SVIL: variants seen among roughly 807,000 people sequenced by gnomAD.
The protein encoded by SVIL is archvillin.
SVIL carries 101 observed loss-of-function variants against 240.4 expected under a neutral mutation model. The observed-to-expected ratio is 0.42, with a 90% confidence interval of 0.36 to 0.50. The LOEUF is 0.50. Among genes scored for constraint, SVIL ranks in the 20% least tolerant of loss-of-function variants. SVIL has a pLI of 0.01. For synonymous variants in SVIL, 999 were observed against 1,100.0 expected (o/e 0.91, Z 1.82); for missense variants, 2,512 against 2,818.7 (o/e 0.89, Z 2.46).
At chr10:29,605,714 C>T (rs1444639895) in intron 1 of SVIL, among the ~76,000 whole-genome samples, 1 of 101,862 alleles carries the variant, frequency 9.8e-6, no homozygotes, top group Non-Finnish European at 2.1e-5. Context: ...AATATATATT[C>T]AAATATATAT....
intron 3 of SVIL, among the ~76,000 whole-genome samples, chr10:29,653,128 C>A (rs914785481): frequency 1.3e-5 from 2 of 152,018 alleles, no homozygotes; most frequent in Non-Finnish European, 2.9e-5. Context: ...CTGTGCCCAG[C>A]CTGATATGGT....
chr10:29,623,444 T>A (rs1957740453), intron 1 of SVIL, among the ~76,000 whole-genome samples: 1 of 152,188 alleles, frequency 6.6e-6, no homozygotes, highest in Non-Finnish European at 1.5e-5. Flanking sequence ...GCCCCATGGG[T>A]TGTTCTGATC....
Position 29,700,282 on chromosome 10 carries a change from C to T in SVIL, c.-399-13631G>A, listed in dbSNP as rs556493862. 2.6e-5 allele frequency among the ~76,000 whole-genome samples: 4 copies of T among 152,122 alleles called. No homozygotes were observed. The South Asian group carries it at 8.3e-4, about 32-fold the overall frequency. ...TTCACAGAGCAAGCCCTTTGATGAA[C>T]ATTTCCCTGCAAACACTCCAACCTA... On this transcript the variant is annotated intron_variant, in intron 1 of 35. Coordinates refer to the SVIL transcript ENST00000375400.
chr10:29,599,774 C>G (rs1956743032), intron 1 of SVIL, among the ~76,000 whole-genome samples: 1 of 152,036 alleles, frequency 6.6e-6, no homozygotes, highest in South Asian at 2.1e-4. Context: ...AATCAATTTC[C>G]CAACGGTCAG....
At chr10:29,555,549 T>G (rs900902772) in intron 3 of SVIL, among the ~76,000 whole-genome samples, 1 of 152,188 alleles carries the variant, frequency 6.6e-6, no homozygotes, top group African/African-American at 2.4e-5. Flanking sequence ...TTGTAACACC[T>G]AGCTATGTGA....
rs1467514452 is a variant in SVIL at position 29,499,430 on chromosome 10, C to T, written c.3517-167G>A. On this transcript the variant is annotated intron_variant, in intron 17 of 37. Coordinates refer to ENST00000355867, the MANE Select transcript of SVIL (RefSeq NM_021738.3). ...ATCTGAAATGGGCTTGGCTTCCTTA[C>T]GTCCAGGTTGGGTGGAGATCACCAT... 4.6e-5 allele frequency among the ~76,000 whole-genome samples: 7 copies of T among 152,200 alleles called. No individual in the cohort carries two copies. In the South Asian group the frequency reaches 6.2e-4, roughly 14 times the overall value.
At chr10:29,626,540 G>A (rs1824278942) in intron 1 of SVIL, among the ~76,000 whole-genome samples, 1 of 152,196 alleles carries the variant, frequency 6.6e-6, no homozygotes, top group Admixed American at 6.5e-5. Flanking sequence ...TGAACACGAA[G>A]ATTCTGACGG....
intron 1 of SVIL, among the ~76,000 whole-genome samples, chr10:29,577,579 G>C (rs1488584745): frequency 2.0e-5 from 3 of 151,998 alleles, no homozygotes; most frequent in Non-Finnish European, 4.4e-5. Flanking sequence ...TTATCCACTT[G>C]TTGGTCTGTG....
intron 18 of SVIL, among the ~76,000 whole-genome samples, chr10:29,498,801 C>A (rs184471102): frequency 6.6e-6 from 1 of 151,994 alleles, no homozygotes; most frequent in Non-Finnish European, 1.5e-5. Context: ...GGCAACACAG[C>A]GACACCCCAT....
chr10:29,519,795 C>T (rs1032654561), intron 16 of SVIL, among the ~76,000 whole-genome samples: 25 of 152,222 alleles, frequency 1.6e-4, no homozygotes, highest in Non-Finnish European at 2.5e-4. Flanking sequence ...TGATTCTGAA[C>T]AGACTGGGCT....
At chr10:29,667,350 A>G (rs748338254) in intron 2 of SVIL, among the ~76,000 whole-genome samples, 15 of 152,150 alleles carry the variant, frequency 9.9e-5, no homozygotes, top group Non-Finnish European at 8.8e-5. Context: ...AGCTTAAGAG[A>G]AGCCAGACTC....
intron 1 of SVIL, among the ~76,000 whole-genome samples, chr10:29,595,916 T>C (rs1956567522): frequency 6.6e-6 from 1 of 152,162 alleles, no homozygotes; most frequent in Non-Finnish European, 1.5e-5. Flanking sequence ...GGCCCCATCA[T>C]TCCCAGGACA....
chr10:29,724,179 C>CTT (rs1395970808), intron 1 of SVIL, among the ~76,000 whole-genome samples: 1 of 110,922 alleles, frequency 9.0e-6, no homozygotes. Flanking sequence ...TTTGTTTTCT[C>CTT]TCTTTTTTTT....
Position 29,529,860 on chromosome 10 carries a change from T to C in SVIL, c.2107-16A>G. 1 of 1,599,186 alleles carries C rather than the reference T, an allele frequency of 6.3e-7. No individual in the cohort carries two copies. The highest frequency in any genetic ancestry group is 8.5e-7 in the Non-Finnish European group (1 of 1,173,758). On this transcript the variant is annotated splice_polypyrimidine_tract_variant and intron_variant, in intron 11 of 37. Transcript: ENST00000355867. Reference sequence around the variant, plus strand: ...TTTCCATCTCCTAAGATTAGAAGTATTGTGGAACCCTTATAAATTCAAGGA... The same window carrying C: ...TTTCCATCTCCTAAGATTAGAAGTACTGTGGAACCCTTATAAATTCAAGGA...
chr10:29,665,577 C>T (rs914377966), intron 2 of SVIL, among the ~76,000 whole-genome samples: 2 of 152,032 alleles, frequency 1.3e-5, no homozygotes, highest in Admixed American at 6.6e-5. Context: ...TGGTGGATCA[C>T]GAGGTCAGGA....
chr10:29,541,744 T>C (rs532315804), intron 6 of SVIL, among the ~76,000 whole-genome samples: 2 of 152,188 alleles, frequency 1.3e-5, no homozygotes, highest in South Asian at 4.1e-4. Context: ...TAGAATAAGG[T>C]AATCGGGGAC....
intron 1 of SVIL, among the ~76,000 whole-genome samples, chr10:29,694,278 T>A (rs1418209442): frequency 6.7e-6 from 1 of 148,948 alleles, no homozygotes; most frequent in Non-Finnish European, 1.5e-5. Context: ...CCAGGCATGG[T>A]AGCACATGCC....
At chr10:29,678,420 TCCGA>T (rs1247662841) in intron 2 of SVIL, among the ~76,000 whole-genome samples, 1 of 152,068 alleles carries the variant, frequency 6.6e-6, no homozygotes, top group Non-Finnish European at 1.5e-5. Flanking sequence ...CTACTGCTGA[TCCGA>T]CAGGAGGCGG....
intron 34 of SVIL, among the ~76,000 whole-genome samples, chr10:29,465,036 T>C (rs1010895471): frequency 3.3e-5 from 5 of 152,046 alleles, no homozygotes; most frequent in Non-Finnish European, 5.9e-5. Flanking sequence ...AACATCCTTC[T>C]CCTCTGCCAT....
Sources: gnomAD v4.1 joint callset for allele counts (sites outside exome capture counted in the v4.1 genomes callset) on GRCh38, gnomAD v4.1.1 for gene constraint, MANE v1.5 for transcripts, NCBI Gene and HGNC (gene_info 2026-07-23, HGNC 2026-07-21) for gene names.